RHBDL1: variants seen among roughly 807,000 people sequenced by gnomAD.
RHBDL1 encodes the protein rhomboid-related protein 1.
Under a neutral mutation model 34.0 loss-of-function variants are expected in RHBDL1, and 21 were observed. That is an observed-to-expected ratio of 0.62 (90% CI 0.44 to 0.89). RHBDL1 has a LOEUF of 0.89. Among genes scored for constraint, RHBDL1 ranks in the 40% least tolerant of loss-of-function variants. RHBDL1 has a pLI of 0.00. For missense variants in RHBDL1, 450 were observed against 530.6 expected (o/e 0.85, Z 1.49); for synonymous variants, 268 against 234.8 (o/e 1.14, Z -1.29).
rs771546029 is a variant in RHBDL1, at chr16:677,863, G to A, written c.933G>A (p.Ala311=). The change falls in exon 8 of 8, where the codon GCG becomes GCA. Residue 311 remains alanine, a synonymous_variant. Coordinates refer to ENST00000352681, the MANE Select transcript of RHBDL1 (RefSeq NM_001278720.2). ...PASGPQPSFM[A]HLAGAVVGVS... ...CGGGCCCACAGCCCAGCTTCATGGC[G>A]CACCTGGCAGGCGCGGTGGTGGGGG... is the stretch of plus-strand genomic sequence containing the variant. The A allele has an allele frequency of 1.9e-5, 31 of 1,594,214 alleles. No homozygotes were observed. Among genetic ancestry groups the A allele is most frequent in the South Asian group, 4.4e-5 (4 of 90,108 alleles).
At chr16:675,885 C>A in intron 1 of RHBDL1, 56 bp downstream of exon 1, 2 of 1,465,460 alleles carry the variant, frequency 1.4e-6, no homozygotes, top group Admixed American at 2.3e-5. Flanking sequence ...GCCCTCCTGC[C>A]GCTGAGCTGA....
At position 676,676 on chromosome 16, in the gene RHBDL1, G is replaced by A. The variant is rs753709091; in HGVS notation, c.206G>A (p.Ser69Asn). 1.1e-5 allele frequency: 18 copies of A among 1,611,604 alleles called. No individual in the cohort carries two copies. The South Asian group carries it at 1.6e-4, about 15-fold the overall frequency. ...CACTCAGGCCCCTGCCCCCAGATCA[G>A]CAGCAAGCGCTCCAGCAGTTTCAAG... Reference protein sequence around the residue: ...VCYQELVDLISSKRSSSFKRA... With the variant: ...VCYQELVDLINSKRSSSFKRA... The change falls in exon 3 of 8, where the codon AGC becomes AAC. Residue 69 changes from serine (S) to asparagine (N), a missense_variant. Physicochemically the swap from Ser to Asn is conservative, Grantham distance 46. Transcript: ENST00000352681. This position sits in a 1 kb window ranked among gnomAD's most constrained non-coding sequence, Gnocchi z 6.9.
chr16:678,158 C>T lies in RHBDL1; in HGVS notation c.*106C>T, dbSNP rs1466459411. On this transcript the variant is annotated 3_prime_UTR_variant, in exon 8 of 8. Transcript: ENST00000352681. Reference sequence around the variant, plus strand: ...AACGGACGTCTCAGGGCTGCTGTGCCCCTTGGGTGTGGGTGGCCTCAAAGG... The same window carrying T: ...AACGGACGTCTCAGGGCTGCTGTGCTCCTTGGGTGTGGGTGGCCTCAAAGG... 1 of 1,407,020 alleles carries T rather than the reference C, an allele frequency of 7.1e-7. No individual in the cohort carries two copies. The highest frequency in any genetic ancestry group is 2.6e-4 in the Middle Eastern group (1 of 3,842). 87.2% of individuals were successfully genotyped at this position (1,407,020 alleles called of 1,614,324 possible). A position where few individuals can be genotyped will look rare whatever the true frequency, so the allele number is the denominator to read the frequency against.
At chr16:677,162 A>G (rs768087999) in intron 4 of RHBDL1, 43 bp downstream of exon 4, 1 of 1,582,788 alleles carries the variant, frequency 6.3e-7, no homozygotes, top group Admixed American at 1.7e-5. Flanking sequence ...CCAACCTGCC[A>G]TTACATCAGA....
rs373988360 is a variant in RHBDL1, at chr16:677,402, G to A, written c.688+14G>A. On this transcript the variant is annotated intron_variant, in intron 5 of 7. Transcript: ENST00000352681. ...GCGTGCTGGCAGGTGAGGCAGGCGC[G>A]CACCCCCGCCCCCTGCCCTGGCCGG... is the stretch of plus-strand genomic sequence containing the variant. 1.2e-4 allele frequency: 192 copies of A among 1,567,684 alleles called. 1 individual carries two copies. The highest frequency in any genetic ancestry group is 3.5e-4 in the Admixed American group (19 of 54,104).
Position 677,813 on chromosome 16 carries a change from C to A in RHBDL1, c.883C>A (p.Arg295Ser). 6.4e-7 allele frequency: 1 copy of A among 1,560,484 alleles called. No homozygotes were observed. The highest frequency in any genetic ancestry group is 1.2e-5 in the South Asian group (1 of 85,358). The change falls in exon 8 of 8, where the codon CGC becomes AGC. Residue 295 changes from arginine to serine, a missense_variant. Coordinates refer to ENST00000352681, the MANE Select transcript of RHBDL1 (RefSeq NM_001278720.2). ...SSEVGRAVWL[R>S]FSPPLPASGP... is the part of the protein sequence containing the mutation. The stretch of plus-strand genomic sequence containing the variant: ...CGAGGTGGGCCGGGCCGTGTGGCTG[C>A]GCTTCTCCCCGCCGCTGCCCGCCTC...
At position 677,574 on chromosome 16, in the gene RHBDL1, C is replaced by A; in HGVS notation, c.789+15C>A. 1 of 1,607,836 alleles carries A rather than the reference C, an allele frequency of 6.2e-7. No homozygotes were observed. The highest frequency in any genetic ancestry group is 1.1e-5 in the South Asian group (1 of 90,544). On this transcript the variant is annotated intron_variant, in intron 6 of 7. Transcript: ENST00000352681. ...ACGTTGTCATGGTAACGGGCCTGCC[C>A]GGTGGGGGGCGTGGGGAGGGGCCCC...
In RHBDL1 at chr16:676,220, C is replaced by G; in HGVS notation, c.40-116C>G. 3 of 1,543,944 alleles carry G rather than the reference C, an allele frequency of 1.9e-6. No homozygotes were observed. The highest frequency in any genetic ancestry group is 1.2e-5 in the South Asian group (1 of 83,928). ...CCCAGGGAACAGACAGGCACGGGGCCCCTGTCCCAAAAGTGCTGGGAGCCT... is the reference window on the plus strand; with the variant it reads ...CCCAGGGAACAGACAGGCACGGGGCGCCTGTCCCAAAAGTGCTGGGAGCCT... On this transcript the variant is annotated intron_variant, in intron 1 of 7. Coordinates refer to ENST00000352681, the MANE Select transcript of RHBDL1 (RefSeq NM_001278720.2). The surrounding 1 kb of genome is among the most constrained non-coding windows in gnomAD (Gnocchi z 6.9).
In RHBDL1 at chr16:677,989, C is replaced by T. The variant is rs760292633; in HGVS notation, c.1059C>T (p.Phe353=). The change falls in exon 8 of 8, where the codon TTC becomes TTT. Residue 353 remains phenylalanine (F), a synonymous_variant. Coordinates refer to ENST00000352681, the MANE Select transcript of RHBDL1 (RefSeq NM_001278720.2). ...TGGCCTACGGCACCTTCCTGCTCTT[C>T]GCCGTCTTCTGGAACGTCTTCGCCT... ...VLLAYGTFLL[F]AVFWNVFAYD... 4.8e-5 allele frequency: 77 copies of T among 1,600,066 alleles called. No homozygotes were observed. Among genetic ancestry groups the T allele is most frequent in the South Asian group, 1.6e-4 (15 of 90,930 alleles).
At position 677,862 on chromosome 16, in the gene RHBDL1, C is replaced by T. The variant is rs762712769; in HGVS notation, c.932C>T (p.Ala311Val). The change falls in exon 8 of 8, where the codon GCG becomes GTG. Residue 311 changes from alanine to valine, a missense_variant. Physicochemically the swap from Ala to Val is moderately conservative, Grantham distance 64. Coordinates refer to ENST00000352681, the MANE Select transcript of RHBDL1 (RefSeq NM_001278720.2). ...PASGPQPSFMAHLAGAVVGVS... is the reference protein window; with the variant it reads ...PASGPQPSFMVHLAGAVVGVS... The stretch of plus-strand genomic sequence containing the variant: ...TCGGGCCCACAGCCCAGCTTCATGG[C>T]GCACCTGGCAGGCGCGGTGGTGGGG... The T allele has an allele frequency of 6.3e-7, 1 of 1,594,610 alleles. No homozygotes were observed. Among genetic ancestry groups the T allele is most frequent in the Non-Finnish European group, 8.5e-7 (1 of 1,176,250 alleles).
Position 676,206 on chromosome 16 carries a change from GAC to G in RHBDL1, c.40-128_40-127del. On this transcript the variant is annotated intron_variant, in intron 1 of 7. Transcript: ENST00000352681. This position sits in a 1 kb window ranked among gnomAD's most constrained non-coding sequence, Gnocchi z 6.9. Reference sequence around the variant, plus strand: ...GGATCAAGCAGGGTCCCAGGGAACAGACAGGCACGGGGCCCCTGTCCCAAAAG... The same window carrying G: ...GGATCAAGCAGGGTCCCAGGGAACAGAGGCACGGGGCCCCTGTCCCAAAAG... 6.5e-7 allele frequency: 1 copy of G among 1,534,032 alleles called. No individual in the cohort carries two copies. Among genetic ancestry groups the G allele is most frequent in the Non-Finnish European group, 8.8e-7 (1 of 1,137,824 alleles).
At position 676,194 on chromosome 16, in the gene RHBDL1, T is replaced by A; in HGVS notation, c.40-142T>A. The stretch of plus-strand genomic sequence containing the variant: ...TGCCAGCTCCTGGGATCAAGCAGGG[T>A]CCCAGGGAACAGACAGGCACGGGGC... On this transcript the variant is annotated intron_variant, in intron 1 of 7. Coordinates refer to ENST00000352681, the MANE Select transcript of RHBDL1 (RefSeq NM_001278720.2). The surrounding 1 kb of genome is among the most constrained non-coding windows in gnomAD (Gnocchi z 6.9). 1 of 1,520,112 alleles carries A rather than the reference T, an allele frequency of 6.6e-7. No homozygotes were observed. The highest frequency in any genetic ancestry group is 8.8e-7 in the Non-Finnish European group (1 of 1,130,544). 94.2% of individuals were successfully genotyped at this position (1,520,112 alleles called of 1,614,324 possible).
Position 676,123 on chromosome 16 carries a change from G to A in RHBDL1, c.40-213G>A, listed in dbSNP as rs1596543178. 6.9e-7 allele frequency: 1 copy of A among 1,456,966 alleles called. No individual in the cohort carries two copies. 90.3% of individuals were successfully genotyped at this position (1,456,966 alleles called of 1,614,324 possible). On this transcript the variant is annotated intron_variant, in intron 1 of 7. Transcript: ENST00000352681. This position sits in a 1 kb window ranked among gnomAD's most constrained non-coding sequence, Gnocchi z 6.9. ...CAGGATGGGTAGGGTGGAAGACGGG[G>A]GAACAACTGAGGAGCTGGAGGACTG...
At position 676,515 on chromosome 16, in the gene RHBDL1, C is replaced by T. The variant is rs1447094513; in HGVS notation, c.201+18C>T. The stretch of plus-strand genomic sequence containing the variant: ...TGGACCTGGTCAGTGCCACGGTGGG[C>T]AGGCGGCAGGGGCACGGTGTCCTGG... On this transcript the variant is annotated intron_variant, in intron 2 of 7. Transcript: ENST00000352681. The surrounding 1 kb of genome is among the most constrained non-coding windows in gnomAD (Gnocchi z 6.9). The T allele has an allele frequency of 9.5e-6, 15 of 1,575,124 alleles. No individual in the cohort carries two copies. In the Admixed American group the frequency reaches 2.4e-4, roughly 25 times the overall value.
chr16:675,768 A>C lies in RHBDL1; in HGVS notation c.-23A>C, dbSNP rs562038681. The C allele has an allele frequency of 6.2e-4, 903 of 1,451,158 alleles. No homozygotes were observed. The highest frequency in any genetic ancestry group is 4.4e-3 in the Middle Eastern group (18 of 4,114). The allele number at this position is 1,451,158 out of a possible 1,614,324, so 89.9% of individuals were successfully genotyped here. A position where few individuals can be genotyped will look rare whatever the true frequency, so the allele number is the denominator to read the frequency against. On this transcript the variant is annotated 5_prime_UTR_variant, in exon 1 of 8. Coordinates refer to ENST00000352681, the MANE Select transcript of RHBDL1 (RefSeq NM_001278720.2). Reference sequence around the variant, plus strand: ...TCCCGGCCGCGGCCGCCGACCCCGGACCCCGGCCCCCGGCCAGGCTCTATG... The same window carrying C: ...TCCCGGCCGCGGCCGCCGACCCCGGCCCCCGGCCCCCGGCCAGGCTCTATG...
In RHBDL1 at chr16:676,316, C is replaced by A; in HGVS notation, c.40-20C>A. 1 of 1,606,092 alleles carries A rather than the reference C, an allele frequency of 6.2e-7. No homozygotes were observed. On this transcript the variant is annotated intron_variant, in intron 1 of 7. Transcript: ENST00000352681. The surrounding 1 kb of genome is among the most constrained non-coding windows in gnomAD (Gnocchi z 6.9). ...GGTCGGGCCCGCACTCAGGCCTTGG[C>A]TGGCGGCTCCTCACTGCAGCAGCTG... is the stretch of plus-strand genomic sequence containing the variant.
rs920862818 is a variant in RHBDL1 at position 678,185 on chromosome 16, G to A, written c.*133G>A. On this transcript the variant is annotated 3_prime_UTR_variant, in exon 8 of 8. Transcript: ENST00000352681. The stretch of plus-strand genomic sequence containing the variant: ...CTTGGGTGTGGGTGGCCTCAAAGGA[G>A]GCCCTGTCCCAGCCACCCACCCCCC... 11 of 1,392,094 alleles carry A rather than the reference G, an allele frequency of 7.9e-6. No homozygotes were observed. Among genetic ancestry groups the A allele is most frequent in the Middle Eastern group, 2.6e-4 (1 of 3,776 alleles). The allele number at this position is 1,392,094 out of a possible 1,614,324, so 86.2% of individuals were successfully genotyped here.
chr16:676,034 G>T lies in RHBDL1; in HGVS notation c.39+205G>T. 2.3e-6 allele frequency: 3 copies of T among 1,314,366 alleles called. No homozygotes were observed. The highest frequency in any genetic ancestry group is 3.0e-6 in the Non-Finnish European group (3 of 998,376). The allele number at this position is 1,314,366 out of a possible 1,614,324, so 81.4% of individuals were successfully genotyped here. The stretch of plus-strand genomic sequence containing the variant: ...TGGCTGGAGAAGGGAGAGTCGGGGG[G>T]AGGGAGGGAGGGAGGGAGGGAGGGC... On this transcript the variant is annotated intron_variant, in intron 1 of 7. Coordinates refer to ENST00000352681, the MANE Select transcript of RHBDL1 (RefSeq NM_001278720.2). The surrounding 1 kb of genome is among the most constrained non-coding windows in gnomAD (Gnocchi z 6.9).
In RHBDL1 at chr16:678,073, A is replaced by G. The variant is rs754436260; in HGVS notation, c.*21A>G. 1 of 1,526,690 alleles carries G rather than the reference A, an allele frequency of 6.6e-7. No individual in the cohort carries two copies. The highest frequency in any genetic ancestry group is 8.8e-7 in the Non-Finnish European group (1 of 1,142,014). The allele number at this position is 1,526,690 out of a possible 1,614,324, so 94.6% of individuals were successfully genotyped here. On this transcript the variant is annotated 3_prime_UTR_variant, in exon 8 of 8. Transcript: ENST00000352681. ...CCTGACCGGCTACCTGAGGCTGCAC[A>G]GGCCAGGGCTCGGGCATGTGGTGGC...
Sources: gnomAD v4.1 joint callset for allele counts on GRCh38, gnomAD v4.1.1 for gene constraint, Gnocchi (gnomAD v3.1) non-coding constraint, MANE v1.5 for transcripts, NCBI Gene and HGNC (gene_info 2026-07-23, HGNC 2026-07-21) for gene names.